TRRAP: variants seen among roughly 807,000 people sequenced by gnomAD.
TRRAP encodes transformation/transcription domain associated protein, also known as transformation/transcription domain-associated protein.
In TRRAP, 41 loss-of-function variants were observed where a neutral mutation model predicts 438.8. The observed-to-expected ratio is 0.09, with a 90% CI of 0.07 to 0.12. The LOEUF (loss-of-function observed/expected upper bound fraction) is 0.12, where lower values mean the gene tolerates loss of function less well. TRRAP is among the 10% of genes least tolerant of loss of function. The pLI is 1.00. For synonymous variants in TRRAP, 1,994 were observed against 1,962.9 expected (o/e 1.02, Z -0.42); for missense variants, 3,122 against 5,055.1 (o/e 0.62, Z 11.60).
chr7:98,938,202 G>A (rs1400485220), intron 30 of TRRAP, among the ~76,000 whole-genome samples: 1 of 152,134 alleles, frequency 6.6e-6, no homozygotes. Context: ...AGGCTTAGTG[G>A]CACGTGCCTG....
In TRRAP at chr7:98,911,183, C is replaced by T. The variant is rs1789250947; in HGVS notation, c.1919C>T (p.Thr640Ile). ...TTGGAGCATTTCGCTGGTGTGTTCA[C>T]AATGATGAACCCCTTAACGTTCAAA... Reference protein sequence around the residue: ...EVLEHFAGVFTMMNPLTFKEI... With the variant: ...EVLEHFAGVFIMMNPLTFKEI... The change falls in exon 17 of 73, where the codon ACA becomes ATA. Residue 640 changes from threonine (T) to isoleucine (I), a missense_variant. Physicochemically the swap from Thr to Ile is moderately conservative, Grantham distance 89. Coordinates refer to ENST00000456197, the MANE Select transcript of TRRAP (RefSeq NM_001375524.1). The T allele has an allele frequency of 6.2e-7, 1 of 1,614,202 alleles. No individual in the cohort carries two copies. Among genetic ancestry groups the T allele is most frequent in the Admixed American group, 1.7e-5 (1 of 60,034 alleles).
intron 47 of TRRAP, among the ~76,000 whole-genome samples, chr7:98,963,737 C>T (rs1792028248): frequency 6.6e-6 from 1 of 152,158 alleles, no homozygotes; most frequent in South Asian, 2.1e-4. Flanking sequence ...CTGAAATCAC[C>T]TCATAACTGG....
rs533432345 is a variant in TRRAP at position 98,999,351 on chromosome 7, A to G, written c.10309+4503A>G. ...CAAGATTTCCTGGATCAGACTTGACAGTGATTCCACATCCTGCACAGCTCT... is the reference window on the plus strand; with the variant it reads ...CAAGATTTCCTGGATCAGACTTGACGGTGATTCCACATCCTGCACAGCTCT... On this transcript the variant is annotated intron_variant, in intron 67 of 72. Coordinates refer to ENST00000456197, the MANE Select transcript of TRRAP (RefSeq NM_001375524.1). The G allele has an allele frequency of 2.8e-6, 4 of 1,411,252 alleles. No homozygotes were observed. In the South Asian group the frequency reaches 3.5e-5, roughly 12 times the overall value. 87.4% of individuals were successfully genotyped at this position (1,411,252 alleles called of 1,614,324 possible). A position where few individuals can be genotyped will look rare whatever the true frequency, so the allele number is the denominator to read the frequency against.
At chr7:98,949,362 A>C in intron 35 of TRRAP, 55 bp from the exon 36 acceptor site, 3 of 1,439,528 alleles carry the variant, frequency 2.1e-6, no homozygotes, top group Non-Finnish European at 2.7e-6. Context: ...ATATCCTCTA[A>C]CTTTCTGTGA....
chr7:99,010,821 G>C (rs975501089), intron 70 of TRRAP, among the ~76,000 whole-genome samples: 5 of 152,220 alleles, frequency 3.3e-5, no homozygotes, highest in Non-Finnish European at 4.4e-5. Context: ...CTTTGACGCA[G>C]ACCAGCCGCA....
At chr7:98,879,925 C>CCT (rs1398959000) in intron 1 of TRRAP, among the ~76,000 whole-genome samples, 1 of 152,142 alleles carries the variant, frequency 6.6e-6, no homozygotes, top group Non-Finnish European at 1.5e-5. Flanking sequence ...CATGAAACCA[C>CCT]CTGTTAGTGC....
intron 20 of TRRAP, among the ~76,000 whole-genome samples, chr7:98,918,984 C>CA (rs782343068): frequency 0.017 from 1,227 of 73,314 alleles, 7 homozygotes; most frequent in African/African-American, 0.035. Context: ...TAAACTGTCT[C>CA]AAAAAAAAAA....
At chr7:98,900,581 A>G (rs782670025) in intron 10 of TRRAP, 43 bp from the exon 11 acceptor site, 3 of 1,507,224 alleles carry the variant, frequency 2.0e-6, no homozygotes, top group South Asian at 2.4e-5. Context: ...TACTAACATC[A>G]CTCATAATTG....
chr7:98,903,920 G>A (rs138530864), intron 12 of TRRAP, among the ~76,000 whole-genome samples: 27 of 151,824 alleles, frequency 1.8e-4, no homozygotes, highest in African/African-American at 5.8e-4. Context: ...CACGGTTCTC[G>A]TGCCTCAGCC....
In TRRAP at chr7:98,878,568, G is replaced by A. The variant is rs1471934231; in HGVS notation, c.-131G>A. 3 of 151,304 alleles carry A rather than the reference G, an allele frequency of 2.0e-5. No homozygotes were observed. The highest frequency in any genetic ancestry group is 2.1e-4 in the South Asian group (1 of 4,834). The allele number at this position is 151,304 out of a possible 1,614,324, so 9.4% of individuals were successfully genotyped here. On this transcript the variant is annotated 5_prime_UTR_variant, in exon 1 of 73. Transcript: ENST00000456197. ...GGACTGCGCGCGGCCGAGCGGTTGC[G>A]ACGAGGGCTCGGCTGGGGGTCGCCG...
At position 98,902,849 on chromosome 7, in the gene TRRAP, G is replaced by A. The variant is rs1217585536; in HGVS notation, c.898-530G>A. On this transcript the variant is annotated intron_variant, in intron 11 of 72. Transcript: ENST00000456197. ...TGCCTATAATCCCAGCAGGTGGGAG[G>A]ATTGCTTGAGCCCAGGAGTTGGAGG... is the stretch of plus-strand genomic sequence containing the variant. Among the ~76,000 whole-genome samples the A allele has an allele frequency of 3.4e-5, 5 of 148,924 alleles. No homozygotes were observed. In the Admixed American group the frequency reaches 3.4e-4, roughly 10 times the overall value.
intron 29 of TRRAP, 121 bp from the exon 30 acceptor site, chr7:98,937,529 T>A (rs1554414557): frequency 8.5e-7 from 1 of 1,181,652 alleles, no homozygotes; most frequent in Non-Finnish European, 1.1e-6. Context: ...TAGTATATGA[T>A]TAATATTCCA....
At chr7:98,954,272 C>T (rs1275402050) in intron 40 of TRRAP, among the ~76,000 whole-genome samples, 1 of 152,246 alleles carries the variant, frequency 6.6e-6, no homozygotes, top group Non-Finnish European at 1.5e-5. Context: ...TTCTTCCGCT[C>T]ACACGGTCCA....
intron 46 of TRRAP, 101 bp downstream of exon 46, chr7:98,961,575 T>C: frequency 7.3e-7 from 1 of 1,375,340 alleles, no homozygotes; most frequent in Non-Finnish European, 1.0e-6. Context: ...TCGAGCGCTT[T>C]GTTATCACTT....
At position 98,899,583 on chromosome 7, in the gene TRRAP, C is replaced by G. The variant is rs10279813; in HGVS notation, c.711+84C>G. The G allele has an allele frequency of 0.02, 31,353 of 1,595,168 alleles. 4,991 individuals carry two copies. In the African/African-American group the frequency reaches 0.36, roughly 18 times the overall value. On this transcript the variant is annotated intron_variant, in intron 9 of 72. Transcript: ENST00000456197. ...CTGGGGCCAAAAGATGTGTATAATA[C>G]ACACATGCTAAATAATGTGATGATT... is the stretch of plus-strand genomic sequence containing the variant.
chr7:98,969,948 G>C lies in TRRAP; in HGVS notation c.7513-164G>C, dbSNP rs539238816. On this transcript the variant is annotated intron_variant, in intron 51 of 72. Coordinates refer to ENST00000456197, the MANE Select transcript of TRRAP (RefSeq NM_001375524.1). Reference sequence around the variant, plus strand: ...ACGATGCCTTGGAGGGGTTGGAGGAGAGGAAGCCCGTCTGGTTGGGGACAG... The same window carrying C: ...ACGATGCCTTGGAGGGGTTGGAGGACAGGAAGCCCGTCTGGTTGGGGACAG... Among the ~76,000 whole-genome samples the C allele has an allele frequency of 2.0e-5, 3 of 152,214 alleles. No individual in the cohort carries two copies. The East Asian group carries it at 5.8e-4, about 29-fold the overall frequency.
chr7:98,920,470 CAAAA>C (rs782559840), intron 20 of TRRAP, among the ~76,000 whole-genome samples: 1 of 93,680 alleles, frequency 1.1e-5, no homozygotes. Context: ...ACTCCGTCTC[CAAAA>C]AAAAAAAAAA....
intron 11 of TRRAP, among the ~76,000 whole-genome samples, chr7:98,901,468 A>G (rs1554406669): frequency 6.6e-6 from 1 of 152,248 alleles, no homozygotes; most frequent in East Asian, 1.9e-4. Flanking sequence ...CATTGTGTGG[A>G]TGTATCATGG....
At chr7:98,966,904 A>G (rs559585919) in intron 49 of TRRAP, 137 bp from the exon 50 acceptor site, 2 of 856,474 alleles carry the variant, frequency 2.3e-6, no homozygotes, top group South Asian at 2.8e-5. Context: ...TAAGCATCCA[A>G]AGATAAAGCC....
Sources: gnomAD v4.1 joint callset for allele counts (sites outside exome capture counted in the v4.1 genomes callset) on GRCh38, gnomAD v4.1.1 for gene constraint, MANE v1.5 for transcripts, NCBI Gene and HGNC (gene_info 2026-07-23, HGNC 2026-07-21) for gene names.